Variants in ZNF404 observed in about 807,000 individuals in gnomAD.
ZNF404 encodes the protein zinc finger protein 404.
A neutral mutation model predicts 7.3 loss-of-function variants in ZNF404; 7 were observed. The ratio of observed to expected loss-of-function variants is 0.95; its 90% CI spans 0.54 to 1.79. The LOEUF (loss-of-function observed/expected upper bound fraction) is 1.79. ZNF404 is among the 40% of genes most tolerant of loss of function. The pLI is 0.00. For missense variants in ZNF404, 560 were observed against 661.5 expected (o/e 0.85, Z 1.68); for synonymous variants, 191 against 209.9 (o/e 0.91, Z 0.78).
rs1568435798 is a variant in ZNF404 at position 43,873,098 on chromosome 19, CT to C, written c.1115del (p.Gln372ArgfsTer32). On this transcript the variant is annotated frameshift_variant, in exon 3 of 3. Coordinates refer to ENST00000587539, the MANE Select transcript of ZNF404 (RefSeq NM_001033719.3). LOFTEE classifies it low-confidence loss of function (END_TRUNC). ...KAFCRGSQLT[Q>X]HQRIHTGEKP... is the part of the protein sequence containing the mutation. ...TCTCACCAGTATGAATTCTCTGATG[CT>C]GTGTAAGTTGAGAGCCTCTACAAAA... is the stretch of plus-strand genomic sequence containing the variant. 3.1e-6 allele frequency: 5 copies of C among 1,612,938 alleles called. No individual in the cohort carries two copies. Among genetic ancestry groups the C allele is most frequent in the Non-Finnish European group, 3.4e-6 (4 of 1,179,434 alleles).
chr19:43,874,461 A>ATT (rs3079718), intron 2 of ZNF404, among the ~76,000 whole-genome samples: 84,214 of 151,672 alleles, frequency 0.56, 23,902 homozygotes, highest in East Asian at 0.81. Context: ...TCTCTATATA[A>ATT]TTGTCAGTGG....
chr19:43,881,063 CAAGAA>C (rs1900252366), intron 1 of ZNF404, among the ~76,000 whole-genome samples: 1 of 152,060 alleles, frequency 6.6e-6, no homozygotes, highest in South Asian at 2.1e-4. Flanking sequence ...CTTGGTGAAA[CAAGAA>C]AAGAAGGGAA....
chr19:43,878,538 T>C (rs1971869909), intron 2 of ZNF404, among the ~76,000 whole-genome samples: 1 of 152,130 alleles, frequency 6.6e-6, no homozygotes, highest in African/African-American at 2.4e-5. Flanking sequence ...AGGTTGCCTG[T>C]TCACTCTGAT....
At chr19:43,875,411 T>TGG (rs1971844978) in intron 2 of ZNF404, among the ~76,000 whole-genome samples, 1 of 152,224 alleles carries the variant, frequency 6.6e-6, no homozygotes, top group Non-Finnish European at 1.5e-5. Context: ...TACCTTCTAT[T>TGG]CATTTAAAGC....
intron 2 of ZNF404, among the ~76,000 whole-genome samples, chr19:43,875,097 T>G (rs1383044479): frequency 6.6e-6 from 1 of 152,162 alleles, no homozygotes; most frequent in Non-Finnish European, 1.5e-5. Context: ...AAAAATGCAC[T>G]TCCAAAATAG....
intron 2 of ZNF404, among the ~76,000 whole-genome samples, chr19:43,878,967 A>G (rs1421545767): frequency 1.3e-5 from 2 of 152,214 alleles, no homozygotes; most frequent in Non-Finnish European, 2.9e-5. Flanking sequence ...TTTATATGCA[A>G]TGCCCAGCAT....
intron 1 of ZNF404, 129 bp downstream of exon 1, chr19:43,883,827 G>GGAGGAATGT: frequency 1.1e-6 from 1 of 912,400 alleles, no homozygotes; most frequent in Non-Finnish European, 1.7e-6. Flanking sequence ...CACTGGAATG[G>GGAGGAATGT]GAGGAATGTG....
At chr19:43,877,724 CCCT>C (rs1971860362) in intron 2 of ZNF404, among the ~76,000 whole-genome samples, 2 of 96,132 alleles carry the variant, frequency 2.1e-5, no homozygotes, top group African/African-American at 7.9e-5. Context: ...CCAATGCTAT[CCCT>C]CCCCCCTCCC....
chr19:43,872,538 A>G lies in ZNF404; in HGVS notation c.*17T>C. 1 of 1,557,802 alleles carries G rather than the reference A, an allele frequency of 6.4e-7. No homozygotes were observed. Among genetic ancestry groups the G allele is most frequent in the Non-Finnish European group, 8.7e-7 (1 of 1,152,296 alleles). Reference sequence around the variant, plus strand: ...ACAACAGTAAAAATGTGCCATGGCTAAAGGCTTTCCCTCTCATTACATTAA... The same window carrying G: ...ACAACAGTAAAAATGTGCCATGGCTGAAGGCTTTCCCTCTCATTACATTAA... On this transcript the variant is annotated 3_prime_UTR_variant, in exon 3 of 3. Transcript: ENST00000587539. The surrounding 1 kb of genome is among the most constrained non-coding windows in gnomAD (Gnocchi z 4.4).
Position 43,880,120 on chromosome 19 carries a change from C to T in ZNF404, c.26G>A (p.Ser9Asn), listed in dbSNP as rs868327852. Residue 9 changes from serine to asparagine, a missense_variant, in exon 2 of 3, where the codon AGC (serine) becomes AAC (asparagine). By Grantham distance (46) the Ser-to-Asn change is conservative. Coordinates refer to ENST00000587539, the MANE Select transcript of ZNF404 (RefSeq NM_001033719.3). MARVPLTF[S>N]DVAIDFSQEE... ...CTGAGAGAAGTCTATGGCAACATCG[C>T]TGAATGTCAATGGCACCTGAAATGA... 2 of 1,611,770 alleles carry T rather than the reference C, an allele frequency of 1.2e-6. No individual in the cohort carries two copies. The highest frequency in any genetic ancestry group is 2.7e-5 in the African/African-American group (2 of 74,790).
intron 2 of ZNF404, among the ~76,000 whole-genome samples, chr19:43,878,462 A>G (rs1599747003): frequency 6.6e-6 from 1 of 151,406 alleles, no homozygotes; most frequent in Admixed American, 6.6e-5. Flanking sequence ...GTTTGAGTTC[A>G]TTGTAGATTC....
chr19:43,878,300 T>C (rs1599746906), intron 2 of ZNF404, among the ~76,000 whole-genome samples: 2 of 151,088 alleles, frequency 1.3e-5, no homozygotes, highest in African/African-American at 2.4e-5. Context: ...TGGTATCTCA[T>C]TGTGGTTTTG....
intron 2 of ZNF404, among the ~76,000 whole-genome samples, chr19:43,875,257 C>T (rs970931514): frequency 3.3e-5 from 5 of 152,096 alleles, no homozygotes; most frequent in Non-Finnish European, 5.9e-5. Flanking sequence ...AAAGTAATCA[C>T]GTGTTGCATT....
chr19:43,881,928 GCCTGGGCAA>G, intron 1 of ZNF404, among the ~76,000 whole-genome samples: 1 of 136,664 alleles, frequency 7.3e-6, no homozygotes, highest in East Asian at 2.1e-4. Flanking sequence ...TTGCACTCCA[GCCTGGGCAA>G]CAAGAGTGAA....
intron 2 of ZNF404, among the ~76,000 whole-genome samples, chr19:43,875,554 A>G (rs1176749143): frequency 1.3e-5 from 2 of 152,228 alleles, no homozygotes; most frequent in African/African-American, 4.8e-5. Flanking sequence ...AATAAAGTAA[A>G]AAATGGGGCA....
At chr19:43,880,531 C>T (rs1052187658) in intron 1 of ZNF404, among the ~76,000 whole-genome samples, 2 of 152,300 alleles carry the variant, frequency 1.3e-5, no homozygotes, top group Admixed American at 6.5e-5. Context: ...TAACTACCCC[C>T]TCCCCCAATT....
chr19:43,879,499 A>G (rs1350214014), intron 2 of ZNF404, among the ~76,000 whole-genome samples: 1 of 152,182 alleles, frequency 6.6e-6, no homozygotes, highest in Non-Finnish European at 1.5e-5. Flanking sequence ...CATGGAATCT[A>G]TCAGATCACT....
intron 1 of ZNF404, among the ~76,000 whole-genome samples, chr19:43,881,957 CAAAAAAAA>C (rs56324784): frequency 9.0e-6 from 1 of 111,102 alleles, no homozygotes; most frequent in Non-Finnish European, 1.9e-5. Flanking sequence ...AACTCTGTCT[CAAAAAAAA>C]AAAAAAAAAA....
rs759706244 is a variant in ZNF404, at chr19:43,873,816, C to T, written c.398G>A (p.Cys133Tyr). Residue 133 changes from cysteine to tyrosine, a missense_variant, in exon 3 of 3, where the codon TGT becomes TAT. Transcript: ENST00000587539. Reference sequence around the variant, plus strand: ...TCTAAAGCCCTTCTTATATTCCTTACACTCATATGATTTCTCTCTTGTGTT... The same window carrying T: ...TCTAAAGCCCTTCTTATATTCCTTATACTCATATGATTTCTCTCTTGTGTT... ...RNNTREKSYECKEYKKGFRKY... is the reference protein window; with the variant it reads ...RNNTREKSYEYKEYKKGFRKY... 1 of 1,595,234 alleles carries T rather than the reference C, an allele frequency of 6.3e-7. No homozygotes were observed. The highest frequency in any genetic ancestry group is 1.7e-5 in the Admixed American group (1 of 58,988).
Sources: gnomAD v4.1 joint callset for allele counts (sites outside exome capture counted in the v4.1 genomes callset) on GRCh38, gnomAD v4.1.1 for gene constraint, Gnocchi (gnomAD v3.1) non-coding constraint, MANE v1.5 for transcripts, NCBI Gene and HGNC (gene_info 2026-07-23, HGNC 2026-07-21) for gene names.